RHOBTB1: variants seen among roughly 807,000 people sequenced by gnomAD.
The protein encoded by RHOBTB1 is rho-related BTB domain-containing protein 1.
A neutral mutation model predicts 71.6 loss-of-function variants in RHOBTB1; 40 were observed. The ratio of observed to expected loss-of-function variants is 0.56; its 90% CI spans 0.43 to 0.73. The LOEUF is 0.73. RHOBTB1 is among the 30% of genes least tolerant of loss of function. RHOBTB1 has a pLI of 0.00. For synonymous variants in RHOBTB1, 319 were observed against 334.9 expected (o/e 0.95, Z 0.52); for missense variants, 797 against 894.0 (o/e 0.89, Z 1.38).
chr10:60,992,089 C>T (rs1178805603), intron 1 of RHOBTB1, among the ~76,000 whole-genome samples: 1 of 152,094 alleles, frequency 6.6e-6, no homozygotes, highest in Non-Finnish European at 1.5e-5. Context: ...ACATGTACCC[C>T]TAGGCTGGCA....
chr10:60,894,043 CA>C, intron 4 of RHOBTB1, among the ~76,000 whole-genome samples: 1 of 152,254 alleles, frequency 6.6e-6, no homozygotes, highest in East Asian at 1.9e-4. Context: ...AATTTATTGC[CA>C]TTGCCTTTAC....
At chr10:60,899,687 T>G (rs1224118856) in intron 4 of RHOBTB1, among the ~76,000 whole-genome samples, 1 of 152,208 alleles carries the variant, frequency 6.6e-6, no homozygotes, top group African/African-American at 2.4e-5. Context: ...GAACCTACTG[T>G]GTACCAGGCA....
chr10:60,921,860 C>G (rs1045282457), intron 2 of RHOBTB1, among the ~76,000 whole-genome samples: 6 of 152,144 alleles, frequency 3.9e-5, no homozygotes, highest in African/African-American at 1.4e-4. Flanking sequence ...CAGTGTTTGA[C>G]AGATGGCATT....
intron 4 of RHOBTB1, among the ~76,000 whole-genome samples, chr10:60,906,308 C>T (rs951547002): frequency 2.5e-4 from 38 of 152,130 alleles, no homozygotes; most frequent in African/African-American, 8.7e-4. Flanking sequence ...TTAATGGATG[C>T]ATATAAAGAA....
chr10:60,981,001 T>C (rs1362134992), intron 2 of RHOBTB1, among the ~76,000 whole-genome samples: 1 of 152,228 alleles, frequency 6.6e-6, no homozygotes, highest in South Asian at 2.1e-4. Flanking sequence ...GCTAGAAAGA[T>C]GTGTACATTA....
At chr10:60,901,845 G>A (rs1247255477) in intron 4 of RHOBTB1, among the ~76,000 whole-genome samples, 1 of 152,150 alleles carries the variant, frequency 6.6e-6, no homozygotes, top group African/African-American at 2.4e-5. Context: ...TATTCTCTTT[G>A]CCCATTGCAG....
At position 60,950,944 on chromosome 10, in the gene RHOBTB1, G is replaced by A. The variant is rs114354740; in HGVS notation, c.-61-9090C>T. Among the ~76,000 whole-genome samples, 1,273 of 152,226 alleles carry A rather than the reference G, an allele frequency of 8.4e-3. 11 individuals carry two copies. The highest frequency in any genetic ancestry group is 0.029 in the African/African-American group (1,191 of 41,528). ...TGAAGTTTGAATGTTTTGCTCTGCC[G>A]TTGACTTGCAACTGCTGTGTCTTCT... On this transcript the variant is annotated intron_variant, in intron 2 of 11. Coordinates refer to the RHOBTB1 transcript ENST00000357917.
intron 2 of RHOBTB1, among the ~76,000 whole-genome samples, chr10:60,953,645 C>T (rs550239883): frequency 5.1e-4 from 78 of 152,182 alleles, no homozygotes; most frequent in Admixed American, 7.8e-4. Context: ...ACTGTAATTA[C>T]AGTATACAGT....
At chr10:60,868,554 G>T (rs900386738), downstream of RHOBTB1, among the ~76,000 whole-genome samples, 1 of 152,164 alleles carries the variant, frequency 6.6e-6, no homozygotes, top group Non-Finnish European at 1.5e-5. Flanking sequence ...AAGCAAGCAT[G>T]AAAAAATCTC....
chr10:60,885,142 T>C (rs1158023639), intron 7 of RHOBTB1, among the ~76,000 whole-genome samples: 1 of 152,142 alleles, frequency 6.6e-6, no homozygotes, highest in Non-Finnish European at 1.5e-5. Flanking sequence ...CAATAATGTA[T>C]CGTATATTTC....
At chr10:60,919,471 C>T (rs2083441990) in intron 2 of RHOBTB1, among the ~76,000 whole-genome samples, 1 of 152,136 alleles carries the variant, frequency 6.6e-6, no homozygotes, top group Admixed American at 6.5e-5. Context: ...ATAAACATCT[C>T]AGCTGGAATA....
intron 1 of RHOBTB1, among the ~76,000 whole-genome samples, chr10:60,989,075 G>A (rs1203736812): frequency 2.0e-5 from 3 of 152,054 alleles, no homozygotes; most frequent in African/African-American, 7.2e-5. Context: ...AAATATCACT[G>A]TGAAAGGCTC....
At chr10:60,969,841 A>C (rs1376616723) in intron 2 of RHOBTB1, among the ~76,000 whole-genome samples, 1 of 152,052 alleles carries the variant, frequency 6.6e-6, no homozygotes, top group Admixed American at 6.6e-5. Flanking sequence ...TATTTAAAGA[A>C]ATAGAATAAT....
chr10:60,867,857 C>A (rs1347509768), downstream of RHOBTB1, among the ~76,000 whole-genome samples: 4 of 152,164 alleles, frequency 2.6e-5, no homozygotes, highest in Non-Finnish European at 5.9e-5. Flanking sequence ...TAAGTCTAAA[C>A]CTTTCATGAT....
intron 1 of RHOBTB1, among the ~76,000 whole-genome samples, chr10:61,000,374 T>C (rs2116453): frequency 0.011 from 1,685 of 152,236 alleles, 30 homozygotes; most frequent in African/African-American, 0.039. Context: ...TTTTGGGTTT[T>C]TTCCCAGATC....
chr10:60,920,535 G>A (rs1025465556), intron 2 of RHOBTB1, among the ~76,000 whole-genome samples: 1 of 152,246 alleles, frequency 6.6e-6, no homozygotes, highest in East Asian at 1.9e-4. Context: ...AGCCTTTCAG[G>A]CCATAGTCAG....
intron 5 of RHOBTB1, among the ~76,000 whole-genome samples, chr10:60,890,756 G>T (rs1026266845): frequency 6.6e-6 from 1 of 152,218 alleles, no homozygotes; most frequent in Admixed American, 6.5e-5. Flanking sequence ...GAAAAGGAGG[G>T]AAAATTATAG....
intron 4 of RHOBTB1, among the ~76,000 whole-genome samples, chr10:60,895,403 TTTTA>T (rs1342047955): frequency 2.0e-5 from 3 of 152,198 alleles, no homozygotes. Flanking sequence ...TAAGATTATT[TTTTA>T]TTTATTTATT....
chr10:60,864,735 C>T (rs577743058), downstream of RHOBTB1, among the ~76,000 whole-genome samples: 7 of 151,958 alleles, frequency 4.6e-5, no homozygotes, highest in Non-Finnish European at 7.4e-5. Context: ...CTCTGTTGCC[C>T]AGGCTGGAGT....
Sources: gnomAD v4.1 joint callset for allele counts (sites outside exome capture counted in the v4.1 genomes callset) on GRCh38, gnomAD v4.1.1 for gene constraint, MANE v1.5 for transcripts, NCBI Gene and HGNC (gene_info 2026-07-23, HGNC 2026-07-21) for gene names.